The following SUPT3H variants were observed in gnomAD, a reference collection of about 807,000 sequenced individuals.
SUPT3H encodes the protein SPT3 homolog, SAGA and STAGA complex component.
In SUPT3H, 44 loss-of-function variants were observed where a neutral mutation model predicts 44.3. That is an observed-to-expected ratio of 0.99 (90% confidence interval 0.78 to 1.28). The LOEUF (loss-of-function observed/expected upper bound fraction) is 1.28. Among genes scored for constraint, SUPT3H ranks in the 50% most tolerant of loss-of-function variants. The pLI, the probability that SUPT3H is intolerant of heterozygous loss-of-function variation, is 0.00. For synonymous variants in SUPT3H, 124 were observed against 125.6 expected (o/e 0.99, Z 0.09); for missense variants, 380 against 387.1 (o/e 0.98, Z 0.15).
At chr6:44,931,375 GT>G (rs1220891416) in intron 10 of SUPT3H, among the ~76,000 whole-genome samples, 5 of 151,052 alleles carry the variant, frequency 3.3e-5, no homozygotes, top group South Asian at 2.1e-4. Flanking sequence ...TTCATTATAA[GT>G]TTTTTTTCAC....
At chr6:45,281,174 A>T in intron 2 of SUPT3H, among the ~76,000 whole-genome samples, 1 of 152,236 alleles carries the variant, frequency 6.6e-6, no homozygotes, top group East Asian at 1.9e-4. Flanking sequence ...AGCAATGCAG[A>T]AGACGGGTGA....
chr6:44,922,253 AT>A (rs1289043119), intron 10 of SUPT3H, among the ~76,000 whole-genome samples: 1 of 152,162 alleles, frequency 6.6e-6, no homozygotes, highest in African/African-American at 2.4e-5. Flanking sequence ...AGGCATAATT[AT>A]TTTTTTCCCG....
chr6:44,950,123 C>G (rs745882353), intron 9 of SUPT3H, among the ~76,000 whole-genome samples: 29 of 152,176 alleles, frequency 1.9e-4, no homozygotes, highest in Non-Finnish European at 3.5e-4. Context: ...TAGTTGAAGA[C>G]TTATCTTTCA....
intron 2 of SUPT3H, among the ~76,000 whole-genome samples, chr6:45,181,434 T>C (rs1199211359): frequency 1.3e-5 from 2 of 152,066 alleles, no homozygotes; most frequent in Non-Finnish European, 2.9e-5. Context: ...TATTGCGGCA[T>C]TATTCACAAT....
intron 2 of SUPT3H, among the ~76,000 whole-genome samples, chr6:45,269,129 A>G (rs1057345257): frequency 6.6e-6 from 1 of 152,206 alleles, no homozygotes; most frequent in Non-Finnish European, 1.5e-5. Flanking sequence ...ATACTAAAAT[A>G]TGTTTCAGAG....
chr6:45,000,496 A>C (rs1562233229), intron 6 of SUPT3H, among the ~76,000 whole-genome samples: 1 of 152,000 alleles, frequency 6.6e-6, no homozygotes. Flanking sequence ...TGGGACTCAA[A>C]ATCTCCAGGC....
At chr6:45,021,602 G>A (rs991283197) in intron 3 of SUPT3H, among the ~76,000 whole-genome samples, 1 of 151,850 alleles carries the variant, frequency 6.6e-6, no homozygotes, top group Admixed American at 6.6e-5. Context: ...ACATATAAAA[G>A]CTGTTCCTGA....
intron 10 of SUPT3H, among the ~76,000 whole-genome samples, chr6:44,852,220 T>G (rs978036368): frequency 6.6e-6 from 1 of 152,188 alleles, no homozygotes; most frequent in African/African-American, 2.4e-5. Flanking sequence ...GGAAAAGTAA[T>G]TATAGGTGGC....
chr6:45,058,608 C>G (rs937132520), intron 3 of SUPT3H, among the ~76,000 whole-genome samples: 3 of 152,072 alleles, frequency 2.0e-5, no homozygotes, highest in Admixed American at 6.6e-5. Context: ...ATCTTACATA[C>G]TGGTTTTAAG....
chr6:45,100,474 G>A (rs1224557657), intron 3 of SUPT3H, among the ~76,000 whole-genome samples: 1 of 138,506 alleles, frequency 7.2e-6, no homozygotes, highest in Non-Finnish European at 1.5e-5. Flanking sequence ...TCATGAGGCT[G>A]AGGGGGGAAA....
chr6:44,915,577 T>C (rs559182451), intron 10 of SUPT3H, among the ~76,000 whole-genome samples: 6 of 152,288 alleles, frequency 3.9e-5, no homozygotes, highest in African/African-American at 1.4e-4. Context: ...CCCTCCAGCA[T>C]TAACATCAAC....
intron 4 of SUPT3H, among the ~76,000 whole-genome samples, chr6:45,019,784 C>A (rs1392363328): frequency 6.6e-6 from 1 of 151,948 alleles, no homozygotes; most frequent in East Asian, 1.9e-4. Context: ...CTTGAAGTTT[C>A]ATGAGTCTTA....
chr6:45,320,044 TA>T (rs1479022962), intron 2 of SUPT3H, among the ~76,000 whole-genome samples: 1 of 152,088 alleles, frequency 6.6e-6, no homozygotes, highest in Admixed American at 6.5e-5. Flanking sequence ...TGACACAATA[TA>T]ATGATTATAT....
At chr6:45,077,171 C>T (rs1420818245) in intron 3 of SUPT3H, among the ~76,000 whole-genome samples, 1 of 152,072 alleles carries the variant, frequency 6.6e-6, no homozygotes, top group Non-Finnish European at 1.5e-5. Context: ...TAATTTCTCC[C>T]TTTTTGAACC....
chr6:45,316,473 C>T (rs80250874), intron 2 of SUPT3H, among the ~76,000 whole-genome samples: 22,824 of 151,120 alleles, frequency 0.15, 1,962 homozygotes, highest in East Asian at 0.26. Context: ...TAATAGGCAT[C>T]CAAAGGAAAA....
At chr6:45,210,844 C>A (rs1474431531) in intron 2 of SUPT3H, among the ~76,000 whole-genome samples, 1 of 152,058 alleles carries the variant, frequency 6.6e-6, no homozygotes, top group Non-Finnish European at 1.5e-5. Context: ...TGGAACTAAA[C>A]CCACAATATC....
chr6:44,927,656 T>C (rs1409420121), intron 10 of SUPT3H, among the ~76,000 whole-genome samples: 9 of 152,190 alleles, frequency 5.9e-5, no homozygotes, highest in Non-Finnish European at 1.3e-4. Flanking sequence ...TAAGACTTAT[T>C]TATGATGATC....
chr6:45,300,280 ATCT>A (rs1443225733), intron 2 of SUPT3H, among the ~76,000 whole-genome samples: 2 of 152,214 alleles, frequency 1.3e-5, no homozygotes, highest in Non-Finnish European at 2.9e-5. Flanking sequence ...AAGTAAAGGC[ATCT>A]ATACAGTGCT....
intron 7 of SUPT3H, 23 bp downstream of exon 7, chr6:44,961,730 A>G: frequency 6.4e-7 from 1 of 1,574,194 alleles, no homozygotes; most frequent in South Asian, 1.1e-5. Context: ...CATATAATTA[A>G]GCAAAGTTAA....
Sources: allele counts gnomAD v4.1 joint callset (sites outside exome capture counted in the v4.1 genomes callset), GRCh38; gene constraint gnomAD v4.1.1; transcripts MANE v1.5; gene names NCBI Gene and HGNC (gene_info 2026-07-23, HGNC 2026-07-21).